The following RDH5 variants were observed in gnomAD, a reference collection of about 807,000 sequenced individuals.
The protein encoded by RDH5 is retinol dehydrogenase 5.
A neutral mutation model predicts 24.0 loss-of-function variants in RDH5; 25 were observed. The ratio of observed to expected loss-of-function variants is 1.04; its 90% confidence interval spans 0.76 to 1.46. RDH5 has a LOEUF of 1.46. Ranked by LOEUF, RDH5 falls within the 40% of genes most tolerant of loss-of-function variation. The pLI is 0.00. For synonymous variants in RDH5, 170 were observed against 175.2 expected (o/e 0.97, Z 0.23); for missense variants, 369 against 410.3 (o/e 0.90, Z 0.87).
Position 55,721,671 on chromosome 12 carries a change from CTTT to C in RDH5, c.311-16_311-14del. 6.2e-7 allele frequency: 1 copy of C among 1,607,374 alleles called. No homozygotes were observed. The highest frequency in any genetic ancestry group is 8.5e-7 in the Non-Finnish European group (1 of 1,179,996). ...GAGTGCCTCACCTACCCCCAGCATC[CTTT>C]TCATCTCCCCACAGGGCTTTTTGGT... On this transcript the variant is annotated splice_polypyrimidine_tract_variant and intron_variant, in intron 2 of 4. Coordinates refer to ENST00000257895, the MANE Select transcript of RDH5 (RefSeq NM_002905.5). The surrounding 1 kb of genome is among the most constrained non-coding windows in gnomAD (Gnocchi z 4.7).
rs749836133 is a variant in RDH5 at position 55,724,353 on chromosome 12, G to C, written c.765G>C (p.Leu255=). The C allele has an allele frequency of 1.2e-6, 2 of 1,614,192 alleles. No homozygotes were observed. The highest frequency in any genetic ancestry group is 1.7e-5 in the Admixed American group (1 of 60,032). ...AAATGCAACAGCGCATCATGAACCT[G>C]ATCTGTGACCCGGACCTAACCAAGG... ...YLKMQQRIMN[L]ICDPDLTKVS... Residue 255 remains leucine, a synonymous_variant, in exon 5 of 5, where the codon CTG becomes CTC. Coordinates refer to ENST00000257895, the MANE Select transcript of RDH5 (RefSeq NM_002905.5).
rs758023649 is a variant in RDH5 at position 55,724,339 on chromosome 12, C to T, written c.751C>T (p.Arg251Cys). 3.2e-5 allele frequency: 51 copies of T among 1,614,058 alleles called. No homozygotes were observed. The highest frequency in any genetic ancestry group is 4.0e-5 in the African/African-American group (3 of 74,896). The change falls in exon 5 of 5, where the codon CGC becomes TGC. Residue 251 changes from arginine to cysteine, a missense_variant. Transcript: ENST00000257895. The part of the protein sequence containing the change: ...FLTKYLKMQQ[R>C]IMNLICDPDL... ...GGCTGCAGACCTGAAAATGCAACAGCGCATCATGAACCTGATCTGTGACCC... is the reference window on the plus strand; with the variant it reads ...GGCTGCAGACCTGAAAATGCAACAGTGCATCATGAACCTGATCTGTGACCC...
rs62638193 is a variant in RDH5 at position 55,724,427 on chromosome 12, G to A, written c.839G>A (p.Arg280His). 9.1e-5 allele frequency: 147 copies of A among 1,614,008 alleles called. No individual in the cohort carries two copies. Among genetic ancestry groups the A allele is most frequent in the Admixed American group, 3.5e-4 (21 of 60,004 alleles). ...HALTARHPRT[R>H]YSPGWDAKLL... ...CTGACTGCTCGACACCCCCGAACCC[G>A]CTACAGCCCAGGTTGGGATGCCAAG... Residue 280 changes from arginine to histidine, a missense_variant, in exon 5 of 5, where the codon CGC becomes CAC. Coordinates refer to ENST00000257895, the MANE Select transcript of RDH5 (RefSeq NM_002905.5).
Position 55,721,293 on chromosome 12 carries a change from G to T in RDH5, c.109G>T (p.Asp37Tyr). 6.2e-7 allele frequency: 1 copy of T among 1,614,112 alleles called. No individual in the cohort carries two copies. Among genetic ancestry groups the T allele is most frequent in the South Asian group, 1.1e-5 (1 of 91,078 alleles). The change falls in exon 2 of 5, where the codon GAC (aspartate) becomes TAC (tyrosine). Residue 37 changes from aspartate (D) to tyrosine (Y), a missense_variant. Asp to Tyr is a radical substitution (Grantham distance 160). Coordinates refer to ENST00000257895, the MANE Select transcript of RDH5 (RefSeq NM_002905.5). This position sits in a 1 kb window ranked among gnomAD's most constrained non-coding sequence, Gnocchi z 4.7. ...SNAFVFITGCDSGFGRLLALQ... is the reference protein window; with the variant it reads ...SNAFVFITGCYSGFGRLLALQ... The stretch of plus-strand genomic sequence containing the variant: ...TGCCTTTGTCTTCATCACCGGCTGT[G>T]ACTCAGGCTTTGGGCGCCTTCTGGC...
rs746749499 is a variant in RDH5 at position 55,721,841 on chromosome 12, C to T, written c.463C>T (p.Arg155Trp). The change falls in exon 3 of 5, where the codon CGG (arginine) becomes TGG (tryptophan). Residue 155 changes from arginine (R) to tryptophan (W), a missense_variant. Transcript: ENST00000257895. The surrounding 1 kb of genome is among the most constrained non-coding windows in gnomAD (Gnocchi z 4.7). ...LALLPLLQQA[R>W]GRVINITSVL... ...CCTGCTGCCTCTGCTGCAGCAAGCC[C>T]GGGGCCGGGTGATCAACATCACCAG... 11 of 1,613,932 alleles carry T rather than the reference C, an allele frequency of 6.8e-6. No individual in the cohort carries two copies. Among genetic ancestry groups the T allele is most frequent in the Admixed American group, 3.3e-5 (2 of 60,008 alleles).
At chr12:55,722,174 G>T in intron 3 of RDH5, 1 of 542,926 alleles carries the variant, frequency 1.8e-6, no homozygotes, top group Non-Finnish European at 3.2e-6. Context: ...TTTTTGAGAT[G>T]GAGTCTTGCT....
At chr12:55,723,777 A>T in intron 3 of RDH5, 109 bp from the exon 4 acceptor site, 1 of 1,303,196 alleles carries the variant, frequency 7.7e-7, no homozygotes, top group South Asian at 1.2e-5. Context: ...CTCCGTCAAA[A>T]CTCTTGTCCC....
Position 55,724,670 on chromosome 12 carries a change from A to G in RDH5, c.*125A>G, listed in dbSNP as rs1877121992. On this transcript the variant is annotated 3_prime_UTR_variant, in exon 5 of 5. Transcript: ENST00000257895. ...CTAACAAAAGTGTATTGTTTAAAAAATAAAAAGAAGGTGGGCAGAAATGTG... is the reference window on the plus strand; with the variant it reads ...CTAACAAAAGTGTATTGTTTAAAAAGTAAAAAGAAGGTGGGCAGAAATGTG... The G allele has an allele frequency of 3.1e-6, 3 of 976,972 alleles. No homozygotes were observed. Among genetic ancestry groups the G allele is most frequent in the Non-Finnish European group, 1.6e-6 (1 of 636,894 alleles). The allele number at this position is 976,972 out of a possible 1,614,324, so 60.5% of individuals were successfully genotyped here. A position where few individuals can be genotyped will look rare whatever the true frequency, so the allele number is the denominator to read the frequency against.
In RDH5 at chr12:55,724,452, G is replaced by A. The variant is rs1173194954; in HGVS notation, c.864G>A (p.Lys288=). 136 of 1,613,986 alleles carry A rather than the reference G, an allele frequency of 8.4e-5. No individual in the cohort carries two copies. The South Asian group carries it at 1.3e-3, about 16-fold the overall frequency. The change falls in exon 5 of 5, where the codon AAG becomes AAA. Residue 288 remains lysine, a synonymous_variant. Transcript: ENST00000257895. ...RTRYSPGWDA[K]LLWLPASYLP... is the part of the protein sequence containing the mutation. Reference sequence around the variant, plus strand: ...GCTACAGCCCAGGTTGGGATGCCAAGCTGCTCTGGCTGCCTGCCTCCTACC... The same window carrying A: ...GCTACAGCCCAGGTTGGGATGCCAAACTGCTCTGGCTGCCTGCCTCCTACC...
Position 55,722,290 on chromosome 12 carries a change from C to T in RDH5, c.569+343C>T, listed in dbSNP as rs528375236. 36 of 230,290 alleles carry T rather than the reference C, an allele frequency of 1.6e-4. No individual in the cohort carries two copies. The South Asian group carries it at 1.8e-3, about 11-fold the overall frequency. 14.3% of individuals were successfully genotyped at this position (230,290 alleles called of 1,614,324 possible). ...TCAGCCTCCCGAGTAGCTGGGACTA[C>T]AGGCATGCGCCACCATGCCTGGCTT... On this transcript the variant is annotated intron_variant, in intron 3 of 4. Transcript: ENST00000257895.
In RDH5 at chr12:55,724,644, A is replaced by C; in HGVS notation, c.*99A>C. On this transcript the variant is annotated 3_prime_UTR_variant, in exon 5 of 5. Transcript: ENST00000257895. ...GCCTGGTGCCTGCCACAAAATAAGC[A>C]CTAACAAAAGTGTATTGTTTAAAAA... The C allele has an allele frequency of 9.2e-7, 1 of 1,085,706 alleles. No homozygotes were observed. Among genetic ancestry groups the C allele is most frequent in the Non-Finnish European group, 1.4e-6 (1 of 725,698 alleles). The allele number at this position is 1,085,706 out of a possible 1,614,324, so 67.3% of individuals were successfully genotyped here.
chr12:55,721,913 A>G lies in RDH5; in HGVS notation c.535A>G (p.Lys179Glu). The stretch of plus-strand genomic sequence containing the variant: ...CAATGGTGGGGGCTACTGTGTCTCC[A>G]AATTTGGCCTGGAGGCCTTCTCTGA... ...AANGGGYCVSKFGLEAFSDSL... is the reference protein window; with the variant it reads ...AANGGGYCVSEFGLEAFSDSL... Residue 179 changes from lysine to glutamate, a missense_variant, in exon 3 of 5, where the codon AAA (lysine) becomes GAA (glutamate). Coordinates refer to ENST00000257895, the MANE Select transcript of RDH5 (RefSeq NM_002905.5). This position sits in a 1 kb window ranked among gnomAD's most constrained non-coding sequence, Gnocchi z 4.7. 7 of 1,613,404 alleles carry G rather than the reference A, an allele frequency of 4.3e-6. No homozygotes were observed. The highest frequency in any genetic ancestry group is 5.9e-6 in the Non-Finnish European group (7 of 1,179,722).
chr12:55,720,883 C>CCA (rs1876875996), intron 1 of RDH5: 1 of 96,416 alleles, frequency 1.0e-5, no homozygotes, highest in Non-Finnish European at 2.1e-5. Flanking sequence ...GACTCCATCT[C>CCA]AAAAAAAAAA....
rs753970388 is a variant in RDH5 at position 55,721,374 on chromosome 12, G to A, written c.190G>A (p.Gly64Arg). Residue 64 changes from glycine (G) to arginine (R), a missense_variant, in exon 2 of 5, where the codon GGG becomes AGG. Physicochemically the swap from Gly to Arg is moderately radical, Grantham distance 125. Transcript: ENST00000257895. This position sits in a 1 kb window ranked among gnomAD's most constrained non-coding sequence, Gnocchi z 4.7. ...CCTGGCCAGCTGCCTGACCCCCTCC[G>A]GGGCCGAGGACCTGCAGCGGGTGGC... ...RVLASCLTPS[G>R]AEDLQRVASS... 6.3e-5 allele frequency: 101 copies of A among 1,613,808 alleles called. No homozygotes were observed. Among genetic ancestry groups the A allele is most frequent in the Middle Eastern group, 1.6e-4 (1 of 6,084 alleles).
chr12:55,724,160 G>A (rs538878371), intron 4 of RDH5, 111 bp downstream of exon 4: 2 of 1,477,638 alleles, frequency 1.4e-6, no homozygotes, highest in Admixed American at 1.9e-5. Flanking sequence ...AGGGTTGAGG[G>A]TGAACAGGAT....
Position 55,721,176 on chromosome 12 carries a change from G to C in RDH5, c.-9G>C. 6.2e-7 allele frequency: 1 copy of C among 1,613,682 alleles called. No individual in the cohort carries two copies. Among genetic ancestry groups the C allele is most frequent in the Non-Finnish European group, 8.5e-7 (1 of 1,179,960 alleles). ...AGGCTGCCACCTGTAGGTCACTTGG[G>C]CTCCAGCTATGTGGCTGCCTCTTCT... On this transcript the variant is annotated 5_prime_UTR_variant, in exon 2 of 5. Coordinates refer to ENST00000257895, the MANE Select transcript of RDH5 (RefSeq NM_002905.5). This position sits in a 1 kb window ranked among gnomAD's most constrained non-coding sequence, Gnocchi z 4.7.
chr12:55,724,061 G>A lies in RDH5; in HGVS notation c.733+12G>A, dbSNP rs1019127669. 1.2e-6 allele frequency: 2 copies of A among 1,605,744 alleles called. No individual in the cohort carries two copies. Among genetic ancestry groups the A allele is most frequent in the African/African-American group, 2.7e-5 (2 of 74,824 alleles). On this transcript the variant is annotated intron_variant, in intron 4 of 4. Coordinates refer to ENST00000257895, the MANE Select transcript of RDH5 (RefSeq NM_002905.5). ...CTTCCTCACCAAGTGTGAGTAGCCA[G>A]GCCCACACAGGGGCACATGAAGGGA...
intron 3 of RDH5, 126 bp from the exon 4 acceptor site, chr12:55,723,760 T>G: frequency 2.8e-6 from 3 of 1,069,682 alleles, no homozygotes; most frequent in Non-Finnish European, 4.2e-6. Context: ...CCCGGGGCAG[T>G]AGGCATCTCC....
intron 1 of RDH5, chr12:55,720,883 C>CAAAAAA (rs4016511): frequency 2.0e-4 from 20 of 100,354 alleles, no homozygotes; most frequent in South Asian, 5.9e-4. Context: ...GACTCCATCT[C>CAAAAAA]AAAAAAAAAA....
Sources: allele counts gnomAD v4.1 joint callset, GRCh38; gene constraint gnomAD v4.1.1; non-coding constraint Gnocchi (gnomAD v3.1); transcripts MANE v1.5; gene names NCBI Gene and HGNC (gene_info 2026-07-23, HGNC 2026-07-21).